Variants in GPC6 observed in about 807,000 individuals in gnomAD.
GPC6 encodes the protein glypican-6.
In GPC6, 14 loss-of-function variants were observed where a neutral mutation model predicts 55.2. That is an observed-to-expected ratio of 0.25 (90% CI 0.17 to 0.40). The LOEUF is 0.40. GPC6 is among the 10% of genes least tolerant of loss of function. The probability of loss-of-function intolerance (pLI) is 1.00; values close to 1 mark genes in which losing one functional copy is unlikely to be tolerated. For synonymous variants in GPC6, 278 were observed against 259.6 expected, an observed-to-expected ratio of 1.07 and a Z score of -0.68; for missense variants, 641 against 708.5, an observed-to-expected ratio of 0.90 and a Z score of 1.08.
intron 6 of GPC6, among the ~76,000 whole-genome samples, chr13:94,335,623 C>T (rs1463346500): frequency 6.6e-6 from 1 of 152,086 alleles, no homozygotes; most frequent in Non-Finnish European, 1.5e-5. Flanking sequence ...CTGAAAGAAT[C>T]AGGATCTAAC....
At chr13:93,752,538 A>G (rs1163777762) in intron 2 of GPC6, among the ~76,000 whole-genome samples, 1 of 152,124 alleles carries the variant, frequency 6.6e-6, no homozygotes, top group African/African-American at 2.4e-5. Flanking sequence ...AATTTTAGCT[A>G]TTGAATAGCT....
chr13:93,826,898 A>G (rs144808908), intron 2 of GPC6, among the ~76,000 whole-genome samples: 5 of 152,268 alleles, frequency 3.3e-5, no homozygotes, highest in Non-Finnish European at 7.3e-5. Context: ...GTTTTTATCT[A>G]CAAGACTGTT....
chr13:93,397,278 A>G (rs1875894034), intron 1 of GPC6, among the ~76,000 whole-genome samples: 1 of 152,202 alleles, frequency 6.6e-6, no homozygotes, highest in Non-Finnish European at 1.5e-5. Context: ...AGCAATGTAC[A>G]AAGGTTCCAA....
chr13:93,674,424 CT>C (rs1306598876), intron 2 of GPC6, among the ~76,000 whole-genome samples: 1 of 152,102 alleles, frequency 6.6e-6, no homozygotes, highest in Non-Finnish European at 1.5e-5. Flanking sequence ...TTAAACATCA[CT>C]TTTTTTCTGA....
chr13:94,198,064 A>G (rs774386091), intron 4 of GPC6, among the ~76,000 whole-genome samples: 3 of 152,224 alleles, frequency 2.0e-5, no homozygotes, highest in Non-Finnish European at 2.9e-5. Flanking sequence ...TGATCAAATT[A>G]TATTTCCCAC....
At chr13:93,422,586 C>A (rs905160067) in intron 1 of GPC6, among the ~76,000 whole-genome samples, 1 of 152,018 alleles carries the variant, frequency 6.6e-6, no homozygotes, top group African/African-American at 2.4e-5. Context: ...TTTTTCTTTG[C>A]GTATATTATT....
chr13:94,254,869 C>G (rs1401218599), intron 4 of GPC6, among the ~76,000 whole-genome samples: 2 of 152,092 alleles, frequency 1.3e-5, no homozygotes, highest in Admixed American at 6.6e-5. Flanking sequence ...TCCTCATCTG[C>G]AACATAAGCT....
intron 2 of GPC6, among the ~76,000 whole-genome samples, chr13:93,683,170 T>C (rs1369116030): frequency 6.6e-6 from 1 of 152,154 alleles, no homozygotes; most frequent in African/African-American, 2.4e-5. Flanking sequence ...GTTTTCTTAC[T>C]GGTAACTGAA....
At chr13:93,768,665 C>T (rs207474268) in intron 2 of GPC6, among the ~76,000 whole-genome samples, 5 of 152,088 alleles carry the variant, frequency 3.3e-5, no homozygotes, top group African/African-American at 9.7e-5. Context: ...AAGTTATGAT[C>T]GCGTGCAGTG....
intron 5 of GPC6, among the ~76,000 whole-genome samples, chr13:94,290,014 T>C (rs960091495): frequency 1.3e-5 from 2 of 152,162 alleles, no homozygotes; most frequent in Non-Finnish European, 2.9e-5. Flanking sequence ...CCCCACTATG[T>C]TGATGTTTGT....
intron 2 of GPC6, among the ~76,000 whole-genome samples, chr13:93,615,966 G>A (rs931178772): frequency 4.6e-5 from 7 of 152,118 alleles, no homozygotes; most frequent in African/African-American, 1.7e-4. Context: ...TTGGGAGGCA[G>A]TGAAATCCTG....
At chr13:93,443,382 G>T (rs559358534) in intron 1 of GPC6, among the ~76,000 whole-genome samples, 1 of 152,164 alleles carries the variant, frequency 6.6e-6, no homozygotes, top group Non-Finnish European at 1.5e-5. Context: ...GTAGCTGAAC[G>T]AGGAGTCTGG....
At chr13:93,276,084 C>T (rs531900170) in intron 1 of GPC6, among the ~76,000 whole-genome samples, 1 of 152,224 alleles carries the variant, frequency 6.6e-6, no homozygotes, top group African/African-American at 2.4e-5. Context: ...CCGTGTTAGC[C>T]AGGATGGTTT....
chr13:94,195,062 TAAG>T lies in GPC6; in HGVS notation c.878-91283_878-91281del, dbSNP rs1889527422. ...CACTGAAGTTTTATTCTTTTCAAAA[TAAG>T]AAGCCTGTTTTCCTACCTTCTTTGT... is the stretch of plus-strand genomic sequence containing the variant. On this transcript the variant is annotated intron_variant, in intron 4 of 8. Coordinates refer to ENST00000377047, the MANE Select transcript of GPC6 (RefSeq NM_005708.5). 3.3e-5 allele frequency among the ~76,000 whole-genome samples: 5 copies of T among 152,304 alleles called. No individual in the cohort carries two copies. The South Asian group carries it at 1.0e-3, about 32-fold the overall frequency.
chr13:94,155,926 A>AAC (rs1566476501), intron 4 of GPC6, among the ~76,000 whole-genome samples: 2 of 152,096 alleles, frequency 1.3e-5, no homozygotes, highest in Non-Finnish European at 2.9e-5. Flanking sequence ...ACTGACTAAG[A>AAC]ACACACTCCA....
intron 1 of GPC6, among the ~76,000 whole-genome samples, chr13:93,464,646 T>C (rs963566322): frequency 1.5e-4 from 23 of 152,314 alleles, no homozygotes; most frequent in African/African-American, 5.5e-4. Context: ...ATTTTCTCCA[T>C]TGAATTCTTG....
At chr13:93,258,227 T>G (rs1407110040) in intron 1 of GPC6, among the ~76,000 whole-genome samples, 1 of 152,156 alleles carries the variant, frequency 6.6e-6, no homozygotes, top group Non-Finnish European at 1.5e-5. Context: ...TGACCTACAA[T>G]AGACCAATGA....
chr13:94,053,082 T>A (rs1162701022), intron 4 of GPC6, among the ~76,000 whole-genome samples: 2 of 152,222 alleles, frequency 1.3e-5, no homozygotes, highest in African/African-American at 4.8e-5. Context: ...TGACTTCATT[T>A]TTGAAGAGAA....
At chr13:93,657,201 A>G (rs1880712324) in intron 2 of GPC6, among the ~76,000 whole-genome samples, 1 of 152,164 alleles carries the variant, frequency 6.6e-6, no homozygotes. Flanking sequence ...TTCAAACTAT[A>G]CTACAAGGTG....
Sources: allele counts gnomAD v4.1 joint callset (sites outside exome capture counted in the v4.1 genomes callset), GRCh38; gene constraint gnomAD v4.1.1; transcripts MANE v1.5; gene names NCBI Gene and HGNC (gene_info 2026-07-23, HGNC 2026-07-21).